The following SMARCAL1 variants were observed in gnomAD, a reference collection of about 807,000 sequenced individuals.
SMARCAL1 encodes ATP-driven annealing helicase.
In SMARCAL1, 58 loss-of-function variants were observed where a neutral mutation model predicts 94.5. The observed-to-expected ratio is 0.61, with a 90% CI of 0.50 to 0.76. SMARCAL1 has a LOEUF of 0.76. Ranked by LOEUF, SMARCAL1 falls within the 30% of genes least tolerant of loss-of-function variation. The probability of loss-of-function intolerance (pLI) is 0.00; values close to 1 mark genes in which losing one functional copy is unlikely to be tolerated. For missense variants in SMARCAL1, 1,051 were observed against 1,177.9 expected, an observed-to-expected ratio of 0.89 and a Z score of 1.58; for synonymous variants, 422 against 455.1, an observed-to-expected ratio of 0.93 and a Z score of 0.93.
chr2:216,461,458 A>T (rs183509635), intron 12 of SMARCAL1, among the ~76,000 whole-genome samples: 2 of 152,254 alleles, frequency 1.3e-5, no homozygotes, highest in Admixed American at 1.3e-4. Flanking sequence ...CTGGGATCAT[A>T]CAAACACGTC....
At chr2:216,472,793 T>G (rs562181679) in intron 14 of SMARCAL1, among the ~76,000 whole-genome samples, 1 of 152,256 alleles carries the variant, frequency 6.6e-6, no homozygotes, top group South Asian at 2.1e-4. Flanking sequence ...AATTTTTTTT[T>G]TTACCCCATC....
intron 14 of SMARCAL1, among the ~76,000 whole-genome samples, chr2:216,470,492 T>C (rs1694939473): frequency 1.0e-5 from 1 of 98,470 alleles, no homozygotes; most frequent in Admixed American, 8.4e-5. Flanking sequence ...CAACTAGATC[T>C]TTTTTTTTTT....
rs2106020536 is a variant in SMARCAL1 at position 216,420,331 on chromosome 2, C to A, written c.895C>A (p.Leu299Met). Residue 299 changes from leucine (L) to methionine (M), a missense_variant, in exon 5 of 18, where the codon CTG becomes ATG. This residue lies in a region of SMARCAL1 where 398 missense variants were observed against 395.2 expected (regional missense o/e 1.01). Coordinates refer to ENST00000357276, the MANE Select transcript of SMARCAL1 (RefSeq NM_014140.4). ...AGCCCAGAGCCTCCCCACGGTCAAC[C>A]TGCAGCCTCTGGAATGGGCCTATGG... is the stretch of plus-strand genomic sequence containing the variant. ...KAAQSLPTVN[L>M]QPLEWAYGSS... The A allele has an allele frequency of 6.2e-7, 1 of 1,614,154 alleles. No individual in the cohort carries two copies.
chr2:216,474,490 C>T (rs1227389994), intron 14 of SMARCAL1, among the ~76,000 whole-genome samples: 1 of 148,828 alleles, frequency 6.7e-6, no homozygotes, highest in African/African-American at 2.4e-5. Context: ...TGCAGTGGCT[C>T]ACGCCTGTAA....
intron 8 of SMARCAL1, among the ~76,000 whole-genome samples, chr2:216,433,955 GT>G (rs1229583555): frequency 6.8e-6 from 1 of 147,010 alleles, no homozygotes; most frequent in Non-Finnish European, 1.5e-5. Flanking sequence ...TGTGCACCTT[GT>G]TTTTTTTCTG....
At chr2:216,428,832 C>G in intron 7 of SMARCAL1, 50 bp downstream of exon 7, 1 of 1,503,490 alleles carries the variant, frequency 6.7e-7, no homozygotes, top group Admixed American at 1.7e-5. Flanking sequence ...AATTTCATTA[C>G]TCACCACAGA....
intron 8 of SMARCAL1, 64 bp from the exon 9 acceptor site, chr2:216,435,274 G>A: frequency 6.3e-7 from 1 of 1,579,524 alleles, no homozygotes; most frequent in Non-Finnish European, 8.7e-7. Flanking sequence ...GACTGCTGCT[G>A]TCACAACCAA....
At chr2:216,416,215 G>T in intron 3 of SMARCAL1, 42 bp from the exon 4 acceptor site, 1 of 1,580,124 alleles carries the variant, frequency 6.3e-7, no homozygotes, top group Non-Finnish European at 8.7e-7. Context: ...GAGTGCCTAA[G>T]TACAAATTGT....
intron 10 of SMARCAL1, among the ~76,000 whole-genome samples, chr2:216,442,585 G>A (rs115465535): frequency 8.5e-4 from 130 of 152,286 alleles, no homozygotes; most frequent in African/African-American, 3.0e-3. Context: ...ATGGAAGTAC[G>A]AGTGTGTGTG....
chr2:216,463,827 G>C (rs1056009713), intron 12 of SMARCAL1, among the ~76,000 whole-genome samples: 4 of 152,184 alleles, frequency 2.6e-5, no homozygotes, highest in Non-Finnish European at 5.9e-5. Context: ...TGGAACACCG[G>C]AGGTCAGAAG....
intron 4 of SMARCAL1, among the ~76,000 whole-genome samples, chr2:216,417,637 C>T (rs1693629784): frequency 2.0e-5 from 3 of 152,190 alleles, no homozygotes. Flanking sequence ...GTGTGTTTAA[C>T]ATGAATTTTG....
In SMARCAL1 at chr2:216,435,545, T is replaced by C. The variant is rs183060310; in HGVS notation, c.1644+49T>C. 2.1e-4 allele frequency: 319 copies of C among 1,540,110 alleles called. No homozygotes were observed. The African/African-American group carries it at 3.3e-3, about 16-fold the overall frequency. Reference sequence around the variant, plus strand: ...AAGTACTTTATCTCTCTGGAAACTTTCTTTGTAAAAGCTCTGAGAACTTTC... The same window carrying C: ...AAGTACTTTATCTCTCTGGAAACTTCCTTTGTAAAAGCTCTGAGAACTTTC... On this transcript the variant is annotated intron_variant, in intron 9 of 17. Coordinates refer to ENST00000357276, the MANE Select transcript of SMARCAL1 (RefSeq NM_014140.4).
chr2:216,460,451 G>A (rs1375619183), intron 12 of SMARCAL1, among the ~76,000 whole-genome samples: 1 of 152,104 alleles, frequency 6.6e-6, no homozygotes, highest in South Asian at 2.1e-4. Context: ...GTCCAACAAT[G>A]ATAGACTGGA....
chr2:216,464,317 G>A (rs1234805514), intron 12 of SMARCAL1, among the ~76,000 whole-genome samples: 3 of 152,188 alleles, frequency 2.0e-5, no homozygotes, highest in Non-Finnish European at 2.9e-5. Context: ...CCTGAAATGC[G>A]TCTCCAAAGA....
Position 216,435,320 on chromosome 2 carries a change from C to G in SMARCAL1, c.1486-18C>G, listed in dbSNP as rs1166425264. The G allele has an allele frequency of 6.2e-7, 1 of 1,613,846 alleles. No homozygotes were observed. Among genetic ancestry groups the G allele is most frequent in the South Asian group, 1.1e-5 (1 of 91,052 alleles). ...GCTGGGTGGTCATTGTAGCTTTGTT[C>G]CCTCCTGTCATCCACAGGCCTTCCT... On this transcript the variant is annotated intron_variant, in intron 8 of 17. Transcript: ENST00000357276.
intron 10 of SMARCAL1, among the ~76,000 whole-genome samples, chr2:216,444,759 C>T (rs1228678022): frequency 4.6e-5 from 7 of 152,182 alleles, no homozygotes; most frequent in Admixed American, 6.5e-5. Context: ...TCAGGTGATC[C>T]GCCTGCCTCA....
chr2:216,415,889 CAT>C, intron 3 of SMARCAL1: 5 of 398,348 alleles, frequency 1.3e-5, no homozygotes, highest in South Asian at 2.3e-5. Context: ...GGCCCAGTTT[CAT>C]TGGTCTGGAA....
In SMARCAL1 at chr2:216,452,180, G is replaced by A. The variant is rs150976966; in HGVS notation, c.2070+1116G>A. ...GGAGTTTTCAAACTTAAACAACATC[G>A]ATGTAGACATATAGACCAGTGTTCT... On this transcript the variant is annotated intron_variant, in intron 12 of 17. Transcript: ENST00000357276. 6.6e-5 allele frequency among the ~76,000 whole-genome samples: 10 copies of A among 152,190 alleles called. No homozygotes were observed. In the East Asian group the frequency reaches 1.7e-3, roughly 26 times the overall value.
chr2:216,475,746 C>T lies in SMARCAL1; in HGVS notation c.2427+295C>T, dbSNP rs1272220088. Among the ~76,000 whole-genome samples the T allele has an allele frequency of 6.6e-6, 1 of 152,050 alleles. No homozygotes were observed. The highest frequency in any genetic ancestry group is 1.9e-4 in the East Asian group (1 of 5,192). Reference sequence around the variant, plus strand: ...TCCCCTGCCTCAGCCTCCCGAGTAGCTAGGATTACAGGTGTGAGCCACCAC... The same window carrying T: ...TCCCCTGCCTCAGCCTCCCGAGTAGTTAGGATTACAGGTGTGAGCCACCAC... On this transcript the variant is annotated intron_variant, in intron 15 of 17. Transcript: ENST00000357276. This position sits in a 1 kb window ranked among gnomAD's most constrained non-coding sequence, Gnocchi z 4.4.
Sources: allele counts gnomAD v4.1 joint callset (sites outside exome capture counted in the v4.1 genomes callset), GRCh38; gene constraint gnomAD v4.1.1; regional missense constraint gnomAD v4.1.1; non-coding constraint Gnocchi (gnomAD v3.1); transcripts MANE v1.5; gene names NCBI Gene and HGNC (gene_info 2026-07-23, HGNC 2026-07-21).